The following TULP4 variants were observed in gnomAD, a reference collection of about 807,000 sequenced individuals.
The protein encoded by TULP4 is tubby-related protein 4.
Under a neutral mutation model 129.0 loss-of-function variants are expected in TULP4, and 16 were observed. The ratio of observed to expected loss-of-function variants is 0.12; its 90% CI spans 0.08 to 0.19. The LOEUF (loss-of-function observed/expected upper bound fraction) is 0.19, where lower values mean the gene tolerates loss of function less well. Ranked by LOEUF, TULP4 falls within the 10% of genes least tolerant of loss-of-function variation. TULP4 has a pLI of 1.00. For missense variants in TULP4, 1,842 were observed against 2,059.1 expected (o/e 0.89, Z 2.04); for synonymous variants, 998 against 854.0 (o/e 1.17, Z -2.94).
intron 4 of TULP4, among the ~76,000 whole-genome samples, 168 bp from the exon 5 acceptor site, chr6:158,451,966 T>C (rs1779169617): frequency 6.6e-6 from 1 of 152,212 alleles, no homozygotes; most frequent in Non-Finnish European, 1.5e-5. Context: ...ATGGCCCTTG[T>C]GTAGTTCCTG....
chr6:158,248,292 C>T (rs759451689), intron 1 of TULP4, among the ~76,000 whole-genome samples: 1 of 151,284 alleles, frequency 6.6e-6, no homozygotes, highest in African/African-American at 2.4e-5. Flanking sequence ...TTTCTTGAGA[C>T]GGAGTCTCGC....
intron 3 of TULP4, among the ~76,000 whole-genome samples, chr6:158,442,272 A>G (rs981232027): frequency 5.3e-5 from 8 of 152,022 alleles, no homozygotes; most frequent in African/African-American, 1.9e-4. Flanking sequence ...AGAAATTACT[A>G]TTTTCATCAT....
At chr6:158,427,517 C>T (rs1206798006) in intron 2 of TULP4, among the ~76,000 whole-genome samples, 71 of 65,818 alleles carry the variant, frequency 1.1e-3, no homozygotes, top group South Asian at 3.9e-3. Context: ...TTTTTTGAGA[C>T]GGAGTCTCGC....
intron 6 of TULP4, among the ~76,000 whole-genome samples, chr6:158,464,650 C>T (rs935985019): frequency 6.1e-4 from 93 of 152,332 alleles, no homozygotes; most frequent in African/African-American, 2.1e-3. Flanking sequence ...CCGCCCTCCT[C>T]GGCCTCCTAT....
chr6:158,446,351 A>T (rs1249385625), intron 3 of TULP4, among the ~76,000 whole-genome samples: 2 of 152,054 alleles, frequency 1.3e-5, no homozygotes, highest in Non-Finnish European at 2.9e-5. Context: ...TCCTATGGGA[A>T]CTGTAGTTGT....
Position 158,313,463 on chromosome 6 carries a change from C to T in TULP4, c.-554C>T, listed in dbSNP as rs527820173. On this transcript the variant is annotated 5_prime_UTR_variant, in exon 1 of 14. Transcript: ENST00000367097. ...GCAGAAATTTGTCTAGTTCAGGAAA[C>T]ATGCTAGAGGGTGGCTTCAGAAGGA... is the stretch of plus-strand genomic sequence containing the variant. 2.5e-6 allele frequency: 1 copy of T among 399,380 alleles called. No individual in the cohort carries two copies. Among genetic ancestry groups the T allele is most frequent in the East Asian group, 3.6e-5 (1 of 28,072 alleles). 24.7% of individuals were successfully genotyped at this position (399,380 alleles called of 1,614,324 possible). A position where few individuals can be genotyped will look rare whatever the true frequency, so the allele number is the denominator to read the frequency against.
rs553215077 is a variant in TULP4 at position 158,507,335 on chromosome 6, G to A, written c.*641G>A. On this transcript the variant is annotated 3_prime_UTR_variant, in exon 14 of 14. Coordinates refer to ENST00000367097, the MANE Select transcript of TULP4 (RefSeq NM_020245.5). ...TCACTGAGGATGTTGGGGAAGGGACGAAGGGTAAAGAAGAAACTGCACGTA... is the reference window on the plus strand; with the variant it reads ...TCACTGAGGATGTTGGGGAAGGGACAAAGGGTAAAGAAGAAACTGCACGTA... The A allele has an allele frequency of 6.5e-6, 1 of 153,834 alleles. No individual in the cohort carries two copies. Among genetic ancestry groups the A allele is most frequent in the African/African-American group, 2.4e-5 (1 of 41,446 alleles). The allele number at this position is 153,834 out of a possible 1,614,324, so 9.5% of individuals were successfully genotyped here. A position where few individuals can be genotyped will look rare whatever the true frequency, so the allele number is the denominator to read the frequency against.
intron 1 of TULP4, among the ~76,000 whole-genome samples, chr6:158,389,810 A>G (rs1168735037): frequency 6.6e-6 from 1 of 152,210 alleles, no homozygotes; most frequent in African/African-American, 2.4e-5. Flanking sequence ...TATCTATTGT[A>G]AAGTAAAGCC....
At chr6:158,506,522 C>T (rs182703166) in intron 13 of TULP4, 56 bp from the exon 14 acceptor site, 86 of 1,205,846 alleles carry the variant, frequency 7.1e-5, no homozygotes, top group Middle Eastern at 3.8e-4. Context: ...TGAGCCACTG[C>T]GCCTGGCCTT....
intron 1 of TULP4, among the ~76,000 whole-genome samples, chr6:158,410,141 A>G (rs1049320501): frequency 3.7e-4 from 57 of 152,372 alleles, no homozygotes; most frequent in African/African-American, 1.2e-3. Context: ...GGCGTGAGCC[A>G]CCGCACCTGG....
intron 1 of TULP4, among the ~76,000 whole-genome samples, chr6:158,235,172 T>C (rs144012736): frequency 6.6e-4 from 99 of 149,846 alleles, no homozygotes; most frequent in African/African-American, 2.3e-3. Context: ...AGCGAAACTC[T>C]GTCTCAAAGA....
intron 1 of TULP4, among the ~76,000 whole-genome samples, chr6:158,241,569 C>T (rs1241044262): frequency 6.6e-6 from 1 of 152,122 alleles, no homozygotes; most frequent in Admixed American, 6.5e-5. Context: ...CAGCGAAACC[C>T]CGTCTCCACC....
intron 1 of TULP4, among the ~76,000 whole-genome samples, chr6:158,372,042 T>C (rs1777080722): frequency 6.6e-6 from 1 of 151,562 alleles, no homozygotes; most frequent in Non-Finnish European, 1.5e-5. Flanking sequence ...CTCAAACTCC[T>C]AGGCTCAAGC....
At chr6:158,343,198 A>C (rs1299594200) in intron 1 of TULP4, among the ~76,000 whole-genome samples, 1 of 152,106 alleles carries the variant, frequency 6.6e-6, no homozygotes, top group Non-Finnish European at 1.5e-5. Flanking sequence ...TTGACTCCAC[A>C]GGGGAGGTTT....
At chr6:158,407,055 TTG>T (rs1029159979) in intron 1 of TULP4, among the ~76,000 whole-genome samples, 6 of 152,232 alleles carry the variant, frequency 3.9e-5, no homozygotes, top group African/African-American at 1.4e-4. Context: ...ATTAACTGAA[TTG>T]TGTTTGAATG....
Position 158,324,293 on chromosome 6 carries a change from C to T in TULP4, c.252+10025C>T, listed in dbSNP as rs181640253. On this transcript the variant is annotated intron_variant, in intron 1 of 13. Coordinates refer to ENST00000367097, the MANE Select transcript of TULP4 (RefSeq NM_020245.5). ...ATTCCCTGACTATAGCCATAATTAA[C>T]GTCATTGTCCTGGTGAGTCTGTCTT... 9.9e-5 allele frequency among the ~76,000 whole-genome samples: 15 copies of T among 152,276 alleles called. 1 individual carries two copies. Among genetic ancestry groups the T allele is most frequent in the Admixed American group, 3.9e-4 (6 of 15,294 alleles).
intron 1 of TULP4, among the ~76,000 whole-genome samples, chr6:158,331,710 C>T (rs1358030863): frequency 4.9e-4 from 11 of 22,422 alleles, no homozygotes; most frequent in East Asian, 3.8e-3. Flanking sequence ...CACACACACA[C>T]ACACACACAC....
chr6:158,307,562 A>C (rs1370230855), upstream of TULP4, among the ~76,000 whole-genome samples: 1 of 151,982 alleles, frequency 6.6e-6, no homozygotes, highest in Non-Finnish European at 1.5e-5. Flanking sequence ...GCTCACTGCA[A>C]CCTCCGCCTC....
chr6:158,508,700 T>C lies in TULP4; in HGVS notation c.*2006T>C, dbSNP rs1320226485. The C allele has an allele frequency of 6.6e-5, 10 of 152,570 alleles. No homozygotes were observed. Among genetic ancestry groups the C allele is most frequent in the African/African-American group, 9.7e-5 (4 of 41,422 alleles). 9.5% of individuals were successfully genotyped at this position (152,570 alleles called of 1,614,324 possible). On this transcript the variant is annotated 3_prime_UTR_variant, in exon 14 of 14. Coordinates refer to ENST00000367097, the MANE Select transcript of TULP4 (RefSeq NM_020245.5). ...ATAATCTAAATGCAATTCCCCTGTT[T>C]TGTCGTTTAGGAGATAATTATTTAT...
Sources: allele counts gnomAD v4.1 joint callset (sites outside exome capture counted in the v4.1 genomes callset), GRCh38; gene constraint gnomAD v4.1.1; transcripts MANE v1.5; gene names NCBI Gene and HGNC (gene_info 2026-07-23, HGNC 2026-07-21).